Variants in JAM2 observed in about 807,000 individuals in gnomAD.
The protein encoded by JAM2 is junctional adhesion molecule B.
Under a neutral mutation model 42.0 loss-of-function variants are expected in JAM2, and 17 were observed. The ratio of observed to expected loss-of-function variants is 0.40; its 90% CI spans 0.28 to 0.61. The LOEUF (loss-of-function observed/expected upper bound fraction) is 0.61, where lower values mean the gene tolerates loss of function less well. JAM2 is among the 20% of genes least tolerant of loss of function. The pLI is 0.37. For synonymous variants in JAM2, 118 were observed against 128.6 expected, an observed-to-expected ratio of 0.92 and a Z score of 0.56; for missense variants, 319 against 358.3, an observed-to-expected ratio of 0.89 and a Z score of 0.89.
intron 7 of JAM2, among the ~76,000 whole-genome samples, chr21:25,708,905 T>C (rs1391321719): frequency 6.6e-6 from 1 of 152,182 alleles, no homozygotes; most frequent in African/African-American, 2.4e-5. Flanking sequence ...GAGAAGCATA[T>C]TCTTGAATAT....
chr21:25,712,829 G>C (rs1414610598), intron 9 of JAM2, among the ~76,000 whole-genome samples: 1 of 152,202 alleles, frequency 6.6e-6, no homozygotes, highest in Non-Finnish European at 1.5e-5. Context: ...CTTTGGTTAT[G>C]TGAAGCACTT....
intron 1 of JAM2, among the ~76,000 whole-genome samples, chr21:25,640,312 G>A (rs2032396348): frequency 6.6e-6 from 1 of 152,184 alleles, no homozygotes; most frequent in Non-Finnish European, 1.5e-5. Flanking sequence ...CCGGGGAGGG[G>A]GCAGCGTCCG....
At chr21:25,658,043 A>G (rs1415710811) in intron 1 of JAM2, among the ~76,000 whole-genome samples, 2 of 152,210 alleles carry the variant, frequency 1.3e-5, no homozygotes, top group Non-Finnish European at 2.9e-5. Context: ...AAAAAATAAT[A>G]TTGGAGATAA....
At chr21:25,678,423 A>C (rs1358547990) in intron 1 of JAM2, among the ~76,000 whole-genome samples, 1 of 152,184 alleles carries the variant, frequency 6.6e-6, no homozygotes, top group Non-Finnish European at 1.5e-5. Context: ...AAAGGAATGC[A>C]GGAGAAGAAA....
intron 1 of JAM2, among the ~76,000 whole-genome samples, chr21:25,665,231 C>T (rs1450436560): frequency 1.3e-5 from 2 of 152,184 alleles, no homozygotes. Context: ...ATGAACATCT[C>T]CTTTGTCCTT....
At chr21:25,669,278 G>A (rs768301726) in intron 1 of JAM2, among the ~76,000 whole-genome samples, 12 of 151,990 alleles carry the variant, frequency 7.9e-5, no homozygotes, top group Non-Finnish European at 1.3e-4. Context: ...AGGCTGAGGT[G>A]GGGGATCACC....
chr21:25,696,876 TTTG>T (rs780119298), intron 4 of JAM2, among the ~76,000 whole-genome samples: 2 of 152,152 alleles, frequency 1.3e-5, no homozygotes, highest in Admixed American at 6.5e-5. Flanking sequence ...GTACTTCATT[TTTG>T]TTGTTGTTTT....
intron 1 of JAM2, among the ~76,000 whole-genome samples, chr21:25,658,381 T>C (rs958404043): frequency 9.2e-5 from 14 of 152,080 alleles, no homozygotes; most frequent in African/African-American, 3.1e-4. Flanking sequence ...CTAAAGACCA[T>C]TGGAGAGTGG....
At position 25,714,626 on chromosome 21, in the gene JAM2, C is replaced by G. The variant is rs763839628; in HGVS notation, c.865-14C>G. The G allele has an allele frequency of 1.4e-6, 2 of 1,432,646 alleles. No individual in the cohort carries two copies. Among genetic ancestry groups the G allele is most frequent in the African/African-American group, 3.0e-5 (2 of 67,380 alleles). The allele number at this position is 1,432,646 out of a possible 1,614,324, so 88.7% of individuals were successfully genotyped here. A position where few individuals can be genotyped will look rare whatever the true frequency, so the allele number is the denominator to read the frequency against. On this transcript the variant is annotated splice_polypyrimidine_tract_variant and intron_variant, in intron 9 of 9. Coordinates refer to ENST00000480456, the MANE Select transcript of JAM2 (RefSeq NM_021219.4). ...ATTCATATATTTAAACCTGTTTTTT[C>G]TTTCTTTTCCTAGGATTTCAAGCAC...
At chr21:25,641,943 T>G (rs1189167471) in intron 1 of JAM2, among the ~76,000 whole-genome samples, 3 of 152,156 alleles carry the variant, frequency 2.0e-5, no homozygotes, top group African/African-American at 7.2e-5. Flanking sequence ...TTCTCTGATA[T>G]TTTTCTCATA....
At chr21:25,691,576 T>G (rs939064759) in intron 3 of JAM2, among the ~76,000 whole-genome samples, 1 of 152,224 alleles carries the variant, frequency 6.6e-6, no homozygotes, top group East Asian at 1.9e-4. Flanking sequence ...AATAATGTTT[T>G]TAACCATCTT....
Position 25,702,227 on chromosome 21 carries a change from T to A in JAM2, c.655T>A (p.Ser219Thr). The A allele has an allele frequency of 6.3e-7, 1 of 1,599,462 alleles. No homozygotes were observed. Among genetic ancestry groups the A allele is most frequent in the Non-Finnish European group, 8.6e-7 (1 of 1,168,806 alleles). Reference sequence around the variant, plus strand: ...AGAATATTCCTGTGAAGCCCGCAATTCTGTTGGATATCGCAGGTGTCCTGG... The same window carrying A: ...AGAATATTCCTGTGAAGCCCGCAATACTGTTGGATATCGCAGGTGTCCTGG... Reference protein sequence around the residue: ...TGEYSCEARNSVGYRRCPGKR... With the variant: ...TGEYSCEARNTVGYRRCPGKR... Residue 219 changes from serine to threonine, a missense_variant, in exon 6 of 10, where the codon TCT becomes ACT. By Grantham distance (58) the Ser-to-Thr change is moderately conservative. Coordinates refer to ENST00000480456, the MANE Select transcript of JAM2 (RefSeq NM_021219.4).
In JAM2 at chr21:25,689,958, C is replaced by G; in HGVS notation, c.226C>G (p.Gln76Glu). 6.2e-7 allele frequency: 1 copy of G among 1,605,022 alleles called. No individual in the cohort carries two copies. ...TCGGAGTGTCTCCTTTGTCTACTATCAACAGACTCTTCAAGGTAAGCAGCT... is the reference window on the plus strand; with the variant it reads ...TCGGAGTGTCTCCTTTGTCTACTATGAACAGACTCTTCAAGGTAAGCAGCT... ...LGRSVSFVYYQQTLQGDFKNR... is the reference protein window; with the variant it reads ...LGRSVSFVYYEQTLQGDFKNR... The change falls in exon 3 of 10, where the codon CAA becomes GAA. Residue 76 changes from glutamine (Q) to glutamate (E), a missense_variant. Physicochemically the swap from Gln to Glu is conservative, Grantham distance 29 (BLOSUM62 2). Coordinates refer to ENST00000480456, the MANE Select transcript of JAM2 (RefSeq NM_021219.4).
At chr21:25,640,601 A>T (rs1384019510) in intron 1 of JAM2, among the ~76,000 whole-genome samples, 2 of 152,244 alleles carry the variant, frequency 1.3e-5, no homozygotes, top group African/African-American at 4.8e-5. Flanking sequence ...GATTTTAAAC[A>T]GGATTTTCAC....
intron 1 of JAM2, chr21:25,644,209 C>T (rs2032535515): frequency 6.6e-6 from 1 of 152,168 alleles, no homozygotes; most frequent in African/African-American, 2.4e-5. Context: ...GTTAACAAGG[C>T]TAGAACTCAG....
intron 1 of JAM2, among the ~76,000 whole-genome samples, chr21:25,668,296 C>A (rs1214634264): frequency 6.6e-6 from 1 of 152,172 alleles, no homozygotes; most frequent in East Asian, 1.9e-4. Flanking sequence ...TCTGACTTAG[C>A]ATTTTAAAGG....
At chr21:25,666,293 T>A (rs2033218097) in intron 1 of JAM2, among the ~76,000 whole-genome samples, 1 of 144,746 alleles carries the variant, frequency 6.9e-6, no homozygotes, top group East Asian at 2.2e-4. Flanking sequence ...TAGAGATTTT[T>A]AAAAATTACA....
At chr21:25,714,289 G>A (rs573314111) in intron 9 of JAM2, 16 of 1,085,712 alleles carry the variant, frequency 1.5e-5, no homozygotes, top group Middle Eastern at 2.5e-4. Flanking sequence ...GGCGGATCAC[G>A]AGGTCAGGAG....
intron 1 of JAM2, among the ~76,000 whole-genome samples, chr21:25,656,105 T>G (rs1370726744): frequency 6.6e-6 from 1 of 152,086 alleles, no homozygotes; most frequent in Non-Finnish European, 1.5e-5. Context: ...GACTTTAATA[T>G]TTTATTCCCT....
Sources: gnomAD v4.1 joint callset for allele counts (sites outside exome capture counted in the v4.1 genomes callset) on GRCh38, gnomAD v4.1.1 for gene constraint, MANE v1.5 for transcripts, NCBI Gene and HGNC (gene_info 2026-07-23, HGNC 2026-07-21) for gene names.